Variants in PRELID2 observed in about 807,000 individuals in gnomAD.
PRELID2 encodes the protein PRELI domain containing 2, also known as PRELI domain-containing protein 2.
A neutral mutation model predicts 28.4 loss-of-function variants in PRELID2; 25 were observed. That is an observed-to-expected ratio of 0.88 (90% confidence interval 0.64 to 1.23). The LOEUF (loss-of-function observed/expected upper bound fraction) is 1.23. PRELID2 is among the 50% of genes most tolerant of loss of function. PRELID2 has a pLI of 0.00. For missense variants in PRELID2, 201 were observed against 214.4 expected (o/e 0.94, Z 0.39); for synonymous variants, 76 against 71.6 (o/e 1.06, Z -0.31).
intron 1 of PRELID2, among the ~76,000 whole-genome samples, chr5:145,677,207 T>C (rs1473539860): frequency 1.4e-5 from 2 of 146,310 alleles, no homozygotes; most frequent in Non-Finnish European, 3.0e-5. Context: ...CAGGCTGGAG[T>C]GCAGTGGTGC....
At chr5:145,355,078 T>C in the PRELID2 span, among the ~76,000 whole-genome samples, 5 of 152,200 alleles carry the variant, frequency 3.3e-5, no homozygotes, top group Non-Finnish European at 7.4e-5. Context: ...TGATTTATAA[T>C]AACTGGTAAC....
intron 5 of PRELID2, among the ~76,000 whole-genome samples, chr5:145,772,656 G>A (rs1380392787): frequency 6.6e-6 from 1 of 152,184 alleles, no homozygotes; most frequent in Non-Finnish European, 1.5e-5. Flanking sequence ...CTCACTATCT[G>A]AACACTTCTC....
chr5:145,571,737 T>G (rs2149618059), intron 1 of PRELID2, among the ~76,000 whole-genome samples: 1 of 152,102 alleles, frequency 6.6e-6, no homozygotes. Context: ...ATCCCAACAC[T>G]TTGGGAGGCT....
At chr5:145,412,819 G>A in the PRELID2 span, among the ~76,000 whole-genome samples, 1 of 152,178 alleles carries the variant, frequency 6.6e-6, no homozygotes, top group Non-Finnish European at 1.5e-5. Flanking sequence ...TATGGCTGGG[G>A]AGGCCTCAGG....
chr5:145,444,052 G>A, the PRELID2 span, among the ~76,000 whole-genome samples: 4 of 151,688 alleles, frequency 2.6e-5, no homozygotes, highest in Non-Finnish European at 5.9e-5. Flanking sequence ...TCTTACTGAC[G>A]TCAACATTCA....
chr5:145,502,055 G>A (rs1752363920), intron 1 of PRELID2, among the ~76,000 whole-genome samples: 1 of 152,086 alleles, frequency 6.6e-6, no homozygotes, highest in Non-Finnish European at 1.5e-5. Context: ...TTCTCACACT[G>A]CTATAAAAAA....
chr5:145,437,927 G>A, the PRELID2 span, among the ~76,000 whole-genome samples: 3 of 152,096 alleles, frequency 2.0e-5, no homozygotes, highest in Non-Finnish European at 4.4e-5. Context: ...TCTTAGCTCT[G>A]AAAATGCTTC....
At chr5:145,425,559 G>C in the PRELID2 span, among the ~76,000 whole-genome samples, 1 of 152,130 alleles carries the variant, frequency 6.6e-6, no homozygotes, top group Non-Finnish European at 1.5e-5. Context: ...CATACACCAT[G>C]GAATACTATG....
chr5:145,642,494 T>C (rs768102283), intron 1 of PRELID2, among the ~76,000 whole-genome samples: 6 of 152,244 alleles, frequency 3.9e-5, no homozygotes, highest in Admixed American at 1.3e-4. Flanking sequence ...TAGTTTCTTT[T>C]GCTGTGCAGA....
At chr5:145,327,017 AATCTTAAATGTTGAAATTCT>A in the PRELID2 span, among the ~76,000 whole-genome samples, 1 of 150,934 alleles carries the variant, frequency 6.6e-6, no homozygotes, top group Non-Finnish European at 1.5e-5. Flanking sequence ...CAAACGCCAT[AATCTTAAATGTTGAAATTCT>A]AAAGTCTCAA....
chr5:145,533,592 G>A (rs996713625), intron 1 of PRELID2, among the ~76,000 whole-genome samples: 7 of 151,994 alleles, frequency 4.6e-5, no homozygotes, highest in Non-Finnish European at 1.0e-4. Context: ...ACACACAATT[G>A]TTAGTCCCAT....
At chr5:145,579,142 C>A (rs1753086421) in intron 1 of PRELID2, among the ~76,000 whole-genome samples, 1 of 151,968 alleles carries the variant, frequency 6.6e-6, no homozygotes, top group South Asian at 2.1e-4. Flanking sequence ...GAAGATCAGG[C>A]TGACATAAAA....
the PRELID2 span, among the ~76,000 whole-genome samples, chr5:145,245,758 A>G: frequency 6.6e-6 from 1 of 151,946 alleles, no homozygotes; most frequent in Admixed American, 6.6e-5. Flanking sequence ...TTGGAATGAG[A>G]CCCCGTATTA....
the PRELID2 span, among the ~76,000 whole-genome samples, chr5:145,260,761 C>T: frequency 6.6e-6 from 1 of 152,166 alleles, no homozygotes; most frequent in Non-Finnish European, 1.5e-5. Flanking sequence ...ACACCATGAA[C>T]TTTTGCTCAA....
chr5:145,442,864 A>C, the PRELID2 span, among the ~76,000 whole-genome samples: 1 of 152,076 alleles, frequency 6.6e-6, no homozygotes, highest in Non-Finnish European at 1.5e-5. Flanking sequence ...ATCCATGGAA[A>C]CAGGACATGA....
At chr5:145,309,569 T>C in the PRELID2 span, among the ~76,000 whole-genome samples, 1 of 152,230 alleles carries the variant, frequency 6.6e-6, no homozygotes, top group Non-Finnish European at 1.5e-5. Flanking sequence ...AAGATGGGCC[T>C]AATAAAATAA....
At chr5:145,754,523 A>AT (rs1010243582), downstream of PRELID2, 10 of 152,290 alleles carry the variant, frequency 6.6e-5, no homozygotes, top group African/African-American at 1.9e-4. Context: ...ATGAATTTCA[A>AT]TTTTTTTCAC....
intron 1 of PRELID2, among the ~76,000 whole-genome samples, chr5:145,622,022 C>A (rs1470736980): frequency 6.6e-6 from 1 of 152,064 alleles, no homozygotes; most frequent in Non-Finnish European, 1.5e-5. Context: ...CATGCTACAA[C>A]ATGGATAAAC....
intron 1 of PRELID2, among the ~76,000 whole-genome samples, chr5:145,824,999 G>C (rs1053491538): frequency 2.0e-5 from 3 of 152,108 alleles, no homozygotes; most frequent in Non-Finnish European, 4.4e-5. Flanking sequence ...GCTGAGGCGG[G>C]TGGATCACTT....
Sources: gnomAD v4.1 joint callset for allele counts (sites outside exome capture counted in the v4.1 genomes callset) on GRCh38, gnomAD v4.1.1 for gene constraint, MANE v1.5 for transcripts, NCBI Gene and HGNC (gene_info 2026-07-23, HGNC 2026-07-21) for gene names.